MUC5B: variants seen among roughly 807,000 people sequenced by gnomAD.
MUC5B encodes mucin-5B.
Under a neutral mutation model 376.9 loss-of-function variants are expected in MUC5B, and 116 were observed. The ratio of observed to expected loss-of-function variants is 0.31; its 90% CI spans 0.26 to 0.36. MUC5B has a LOEUF of 0.36. MUC5B is among the 10% of genes least tolerant of loss of function. MUC5B has a pLI of 1.00. For synonymous variants in MUC5B, 3,517 were observed against 3,390.9 expected, an observed-to-expected ratio of 1.04 and a Z score of -1.29; for missense variants, 7,165 against 7,769.9, an observed-to-expected ratio of 0.92 and a Z score of 2.93.
In MUC5B at chr11:1,237,160, C is replaced by T. The variant is rs1340463590; in HGVS notation, c.3293C>T (p.Ser1098Phe). The change falls in exon 25 of 49, where the codon TCC becomes TTC. Residue 1098 changes from serine (S) to phenylalanine (F), a missense_variant. This residue lies in a region of MUC5B where 143 missense variants were observed against 193.2 expected (regional missense o/e 0.74). Transcript: ENST00000529681. ...GGCCCCACCTTCGCCGCCTGCCGCT[C>T]CCAGGTGGGGCTCTGGTCTTGGCAG... ...LHGPTFAACR[S>F]QVDSTKYYEA... 9.8e-6 allele frequency: 14 copies of T among 1,430,816 alleles called. No individual in the cohort carries two copies. Among genetic ancestry groups the T allele is most frequent in the Non-Finnish European group, 1.3e-5 (14 of 1,087,378 alleles). 88.6% of individuals were successfully genotyped at this position (1,430,816 alleles called of 1,614,324 possible). A position where few individuals can be genotyped will look rare whatever the true frequency, so the allele number is the denominator to read the frequency against.
In MUC5B at chr11:1,253,804, C is replaced by T. The variant is rs373992680; in HGVS notation, c.15218-288C>T. Among the ~76,000 whole-genome samples, 8 of 152,332 alleles carry T rather than the reference C, an allele frequency of 5.3e-5. No homozygotes were observed. Among genetic ancestry groups the T allele is most frequent in the African/African-American group, 1.9e-4 (8 of 41,578 alleles). On this transcript the variant is annotated intron_variant, in intron 33 of 48. Transcript: ENST00000529681. The surrounding 1 kb of genome is among the most constrained non-coding windows in gnomAD (Gnocchi z 4.3). The stretch of plus-strand genomic sequence containing the variant: ...GACACTGGTCATTGGATTGAGGGCC[C>T]ACCCAGCTAGTCCACGATGATGTCA...
intron 1 of MUC5B, 142 bp from the exon 2 acceptor site, chr11:1,225,539 G>T (rs78468756): frequency 0.029 from 21,156 of 726,814 alleles, 464 homozygotes; most frequent in Middle Eastern, 0.058. Flanking sequence ...GTGTCGTGAG[G>T]GTGAACCTGC....
rs759904562 is a variant in MUC5B at position 1,227,291 on chromosome 11, C to T, written c.577-17C>T. ...ATCAGAGGTCCTGAGGCTGGAGCTG[C>T]CCCTCCCCACTCTCAGCTGGAGCTG... On this transcript the variant is annotated splice_polypyrimidine_tract_variant and intron_variant, in intron 5 of 48. Transcript: ENST00000529681. 5.6e-6 allele frequency: 9 copies of T among 1,605,652 alleles called. No individual in the cohort carries two copies. Among genetic ancestry groups the T allele is most frequent in the South Asian group, 1.1e-5 (1 of 90,748 alleles).
At chr11:1,224,488 G>A (rs563555755) in intron 1 of MUC5B, among the ~76,000 whole-genome samples, 1 of 136,204 alleles carries the variant, frequency 7.3e-6, no homozygotes, top group East Asian at 2.3e-4. Context: ...GGTTGCCTGG[G>A]TTGGGGAGGG....
chr11:1,230,167 C>T, intron 11 of MUC5B, 24 bp downstream of exon 11: 13 of 1,569,932 alleles, frequency 8.3e-6, no homozygotes, highest in Non-Finnish European at 1.0e-5. Flanking sequence ...GCCGGGTCTT[C>T]AGACACCCAG....
intron 25 of MUC5B, among the ~76,000 whole-genome samples, chr11:1,238,593 T>C (rs117479064): frequency 0.025 from 3,833 of 152,068 alleles, 64 homozygotes; most frequent in Non-Finnish European, 0.033. Context: ...GATGGGCAGG[T>C]GCATAGGTGG....
chr11:1,259,858 T>C lies in MUC5B; in HGVS notation c.16800+16T>C, dbSNP rs981534265. On this transcript the variant is annotated intron_variant, in intron 45 of 48. Transcript: ENST00000529681. The stretch of plus-strand genomic sequence containing the variant: ...GCCAGTCCAGGTAACAGCAGAGGCA[T>C]GTGGGGGCAGGTCTCAGCTCCCTCC... The C allele has an allele frequency of 3.1e-6, 5 of 1,612,238 alleles. No individual in the cohort carries two copies. The Admixed American group carries it at 5.0e-5, about 16-fold the overall frequency.
Position 1,235,080 on chromosome 11 carries a change from T to G in MUC5B, c.2631-5T>G. ...GTGAGCAGGCACCATTGTGGCCCCTTGCAGCACCTGCAGGAACCGGAGGTG... is the reference window on the plus strand; with the variant it reads ...GTGAGCAGGCACCATTGTGGCCCCTGGCAGCACCTGCAGGAACCGGAGGTG... On this transcript the variant is annotated splice_region_variant and splice_polypyrimidine_tract_variant and intron_variant, in intron 21 of 48. Coordinates refer to ENST00000529681, the MANE Select transcript of MUC5B (RefSeq NM_002458.3). 1 of 1,608,402 alleles carries G rather than the reference T, an allele frequency of 6.2e-7. No individual in the cohort carries two copies. The highest frequency in any genetic ancestry group is 2.2e-5 in the East Asian group (1 of 44,804).
chr11:1,235,462 C>T, intron 23 of MUC5B, 49 bp downstream of exon 23: 2 of 1,515,578 alleles, frequency 1.3e-6, no homozygotes, highest in Non-Finnish European at 1.8e-6. Context: ...AGCCAACGAG[C>T]CGGCCCCCAG....
chr11:1,243,298 A>T lies in MUC5B; in HGVS notation c.6418A>T (p.Ile2140Phe), dbSNP rs201549370. Reference protein sequence around the residue: ...PPSLTTTATTITATGSTTNPS... With the variant: ...PPSLTTTATTFTATGSTTNPS... ...ATCACTGACCACCACGGCCACTACG[A>T]TCACGGCCACCGGCTCCACCACCAA... Residue 2140 changes from isoleucine (I) to phenylalanine (F), a missense_variant, in exon 31 of 49, where the codon ATC (isoleucine) becomes TTC (phenylalanine). This residue lies in a region of MUC5B where 897 missense variants were observed against 779.6 expected (regional missense o/e 1.15). Coordinates refer to ENST00000529681, the MANE Select transcript of MUC5B (RefSeq NM_002458.3). 842 of 1,557,028 alleles carry T rather than the reference A, an allele frequency of 5.4e-4. 5 individuals carry two copies. The African/African-American group carries it at 0.011, about 20-fold the overall frequency.
rs1230762293 is a variant in MUC5B at position 1,230,559 on chromosome 11, T to C, written c.1429T>C (p.Cys477Arg). Residue 477 changes from cysteine to arginine, a missense_variant, in exon 12 of 49, where the codon TGC becomes CGC. By Grantham distance (180) the Cys-to-Arg change is radical. Transcript: ENST00000529681. Reference protein sequence around the residue: ...RKCGLTDNENCLKAVTLSLDG... With the variant: ...RKCGLTDNENRLKAVTLSLDG... ...GTGCGGCCTGACGGACAACGAGAACTGCCTGAAAGCGGTGACGCTCAGCCT... is the reference window on the plus strand; with the variant it reads ...GTGCGGCCTGACGGACAACGAGAACCGCCTGAAAGCGGTGACGCTCAGCCT... 5 of 1,611,812 alleles carry C rather than the reference T, an allele frequency of 3.1e-6. No homozygotes were observed. The highest frequency in any genetic ancestry group is 3.3e-4 in the Middle Eastern group (2 of 6,050).
In MUC5B at chr11:1,248,193, C is replaced by T; in HGVS notation, c.11313C>T (p.Ser3771=). ...CCAGCTCCAAAGCCACTCCCTTCTC[C>T]AGTCCAGGGACTGCAACCGCCCTTC... The part of the protein sequence containing the change: ...TVTSSKATPF[S]SPGTATALPA... Residue 3771 remains serine, a synonymous_variant, in exon 31 of 49, where the codon TCC becomes TCT. Coordinates refer to ENST00000529681, the MANE Select transcript of MUC5B (RefSeq NM_002458.3). The T allele has an allele frequency of 1.3e-6, 2 of 1,594,194 alleles. No homozygotes were observed. The highest frequency in any genetic ancestry group is 1.1e-5 in the South Asian group (1 of 90,546).
Position 1,254,731 on chromosome 11 carries a change from G to A in MUC5B, c.15515G>A (p.Ser5172Asn), listed in dbSNP as rs1862789556. 1.2e-6 allele frequency: 2 copies of A among 1,612,880 alleles called. No homozygotes were observed. Among genetic ancestry groups the A allele is most frequent in the Middle Eastern group, 1.7e-4 (1 of 6,056 alleles). The change falls in exon 35 of 49, where the codon AGC becomes AAC. Residue 5172 changes from serine (S) to asparagine (N), a missense_variant. By Grantham distance (46) the Ser-to-Asn change is conservative. Around this residue, in one of 31 missense-constraint regions of MUC5B, gnomAD observed 842 missense variants for 1,016.9 expected, o/e 0.83. Coordinates refer to ENST00000529681, the MANE Select transcript of MUC5B (RefSeq NM_002458.3). The stretch of plus-strand genomic sequence containing the variant: ...CAAATTCCGGTGAGCAGCGGTTTCA[G>A]CAAGAACGGCGTGCTTGTGTCTGTG... ...FDQIPVSSGF[S>N]KNGVLVSVLG...
chr11:1,243,710 C>T lies in MUC5B; in HGVS notation c.6830C>T (p.Thr2277Met), dbSNP rs71469858. Residue 2277 changes from threonine to methionine, a missense_variant, in exon 31 of 49, where the codon ACG becomes ATG. This residue lies in a region of MUC5B where 79 missense variants were observed against 63.0 expected (regional missense o/e 1.25). Transcript: ENST00000529681. ...SPGTTTPGHTTATSRTTATAT... is the reference protein window; with the variant it reads ...SPGTTTPGHTMATSRTTATAT... ...GGGACGACCACCCCGGGCCACACCA[C>T]GGCCACCTCCAGGACCACAGCCACG... 121 of 1,610,778 alleles carry T rather than the reference C, an allele frequency of 7.5e-5. No individual in the cohort carries two copies. The highest frequency in any genetic ancestry group is 5.5e-4 in the African/African-American group (41 of 74,702).
rs375109401 is a variant in MUC5B, at chr11:1,246,195, C to T, written c.9315C>T (p.Thr3105=). 2 of 1,613,154 alleles carry T rather than the reference C, an allele frequency of 1.2e-6. No individual in the cohort carries two copies. Among genetic ancestry groups the T allele is most frequent in the Non-Finnish European group, 1.7e-6 (2 of 1,179,654 alleles). The change falls in exon 31 of 49, where the codon ACC becomes ACT. Residue 3105 remains threonine (T), a synonymous_variant. Coordinates refer to ENST00000529681, the MANE Select transcript of MUC5B (RefSeq NM_002458.3). ...HPSSTPETTH[T]STVLTTKATT... is the part of the protein sequence containing the mutation. ...CCTCCACTCCGGAGACCACCCACAC[C>T]TCCACAGTGCTGACCACGAAGGCCA...
In MUC5B at chr11:1,250,793, C is replaced by A. The variant is rs1201329456; in HGVS notation, c.13913C>A (p.Thr4638Asn). The A allele has an allele frequency of 1.9e-6, 3 of 1,613,358 alleles. No individual in the cohort carries two copies. Among genetic ancestry groups the A allele is most frequent in the Non-Finnish European group, 2.5e-6 (3 of 1,179,608 alleles). The change falls in exon 31 of 49, where the codon ACC (threonine) becomes AAC (asparagine). Residue 4638 changes from threonine to asparagine, a missense_variant. By Grantham distance (65) the Thr-to-Asn change is moderately conservative. This residue lies in a region of MUC5B where 730 missense variants were observed against 592.7 expected (regional missense o/e 1.23). Transcript: ENST00000529681. Reference protein sequence around the residue: ...TTPTTSGSTVTPSSIPGTTHT... With the variant: ...TTPTTSGSTVNPSSIPGTTHT... ...CCCACAACCAGTGGCTCCACGGTGA[C>A]CCCCTCCTCCATCCCGGGGACCACC... is the stretch of plus-strand genomic sequence containing the variant.
chr11:1,250,361 A>G lies in MUC5B; in HGVS notation c.13481A>G (p.Lys4494Arg), dbSNP rs201038498. The change falls in exon 31 of 49, where the codon AAA (lysine) becomes AGA (arginine). Residue 4494 changes from lysine to arginine, a missense_variant. Physicochemically the swap from Lys to Arg is conservative, Grantham distance 26. This residue lies in a region of MUC5B where 431 missense variants were observed against 390.4 expected (regional missense o/e 1.10). Transcript: ENST00000529681. Reference protein sequence around the residue: ...TATTPTVTSSKATPSSSPGTA... With the variant: ...TATTPTVTSSRATPSSSPGTA... ...ACGACACCCACAGTCACCAGCTCCA[A>G]AGCCACTCCCTCCTCCAGTCCAGGG... 246 of 1,612,398 alleles carry G rather than the reference A, an allele frequency of 1.5e-4. No homozygotes were observed. The highest frequency in any genetic ancestry group is 8.2e-5 in the Non-Finnish European group (97 of 1,179,442).
chr11:1,231,702 C>A, intron 14 of MUC5B, 142 bp downstream of exon 14: 1 of 1,139,706 alleles, frequency 8.8e-7, no homozygotes, highest in Non-Finnish European at 1.2e-6. Flanking sequence ...GATCCTGGTG[C>A]CAGCGCAGGA....
chr11:1,247,525 C>T lies in MUC5B; in HGVS notation c.10645C>T (p.Arg3549Cys), dbSNP rs377675493. ...AGCCACAGCCACACCCAGCAAGACC[C>T]GCACCTCGACCCTGCTGCCCAGCAG... ...TTATATPSKT[R>C]TSTLLPSSPT... The change falls in exon 31 of 49, where the codon CGC becomes TGC. Residue 3549 changes from arginine (R) to cysteine (C), a missense_variant. Physicochemically the swap from Arg to Cys is radical, Grantham distance 180. Around this residue, in one of 31 missense-constraint regions of MUC5B, gnomAD observed 939 missense variants for 770.6 expected, o/e 1.22. Coordinates refer to ENST00000529681, the MANE Select transcript of MUC5B (RefSeq NM_002458.3). 18 of 1,610,354 alleles carry T rather than the reference C, an allele frequency of 1.1e-5. No homozygotes were observed. The highest frequency in any genetic ancestry group is 9.4e-5 in the African/African-American group (7 of 74,682).
Sources: gnomAD v4.1 joint callset for allele counts (sites outside exome capture counted in the v4.1 genomes callset) on GRCh38, gnomAD v4.1.1 for gene constraint, gnomAD v4.1.1 regional missense constraint, Gnocchi (gnomAD v3.1) non-coding constraint, MANE v1.5 for transcripts, NCBI Gene and HGNC (gene_info 2026-07-23, HGNC 2026-07-21) for gene names.